FREM3: variants seen among roughly 807,000 people sequenced by gnomAD.
The protein encoded by FREM3 is FRAS1 related extracellular matrix 3.
Under a neutral mutation model 129.1 loss-of-function variants are expected in FREM3, and 105 were observed. The observed-to-expected ratio is 0.81, with a 90% confidence interval of 0.69 to 0.96. FREM3 has a LOEUF of 0.96. Ranked by LOEUF, FREM3 falls within the 40% of genes least tolerant of loss-of-function variation. The pLI, the probability that FREM3 is intolerant of heterozygous loss-of-function variation, is 0.00. For synonymous variants in FREM3, 1,014 were observed against 1,044.9 expected (o/e 0.97, Z 0.57); for missense variants, 2,593 against 2,666.3 (o/e 0.97, Z 0.61).
intron 7 of FREM3, among the ~76,000 whole-genome samples, chr4:143,581,492 CCTGCCCCTGGCTGAGCATTCCCA>C (rs1738142072): frequency 6.6e-6 from 1 of 152,086 alleles, no homozygotes; most frequent in South Asian, 2.1e-4. Context: ...AAGCAGTTGC[CCTGCCCCTGGCTGAGCATTCCCA>C]CTGGTAGTGG....
intron 2 of FREM3, among the ~76,000 whole-genome samples, chr4:143,664,884 C>G (rs999042028): frequency 3.9e-5 from 6 of 152,160 alleles, no homozygotes; most frequent in Non-Finnish European, 8.8e-5. Flanking sequence ...GCGTAGGACC[C>G]TCCAAGTCAG....
rs756690432 is a variant in FREM3, at chr4:143,700,426, C to T, written c.250G>A (p.Asp84Asn). Residue 84 changes from aspartate (D) to asparagine (N), a missense_variant, in exon 1 of 8, where the codon GAT becomes AAT. Transcript: ENST00000329798. ...CCCGGCTGCACTCCAATCACCAGAT[C>T]CCGGAGCGGGTCGAGCCAAAGGGAA... Reference protein sequence around the residue: ...GRSLWLDPLRDLVIGVQPGDR... With the variant: ...GRSLWLDPLRNLVIGVQPGDR... 7.2e-5 allele frequency: 110 copies of T among 1,531,060 alleles called. 1 individual carries two copies. Among genetic ancestry groups the T allele is most frequent in the Non-Finnish European group, 9.3e-5 (106 of 1,143,756 alleles). The allele number at this position is 1,531,060 out of a possible 1,614,324, so 94.8% of individuals were successfully genotyped here.
chr4:143,584,357 C>T (rs1017516157), intron 7 of FREM3, among the ~76,000 whole-genome samples: 2 of 146,674 alleles, frequency 1.4e-5, no homozygotes, highest in African/African-American at 2.5e-5. Context: ...TGCAGTAAGC[C>T]GAGATTGCGC....
rs1037434218 is a variant in FREM3 at position 143,696,595 on chromosome 4, G to A, written c.4081C>T (p.Pro1361Ser). The change falls in exon 1 of 8, where the codon CCC becomes TCC. Residue 1361 changes from proline to serine, a missense_variant. Pro to Ser is a moderately conservative substitution (Grantham distance 74). Transcript: ENST00000329798. The stretch of plus-strand genomic sequence containing the variant: ...AGATTGTTCCTCACTTCTCCTCTGG[G>A]TTTTCTCAGCCTCTGTAGAAGCCCT... Reference protein sequence around the residue: ...QQGLLQRLRKPRGEVRNNLTL... With the variant: ...QQGLLQRLRKSRGEVRNNLTL... 1.3e-6 allele frequency: 2 copies of A among 1,537,592 alleles called. No individual in the cohort carries two copies. Among genetic ancestry groups the A allele is most frequent in the African/African-American group, 1.4e-5 (1 of 73,136 alleles).
At chr4:143,614,748 G>A (rs1738815911) in intron 5 of FREM3, among the ~76,000 whole-genome samples, 1 of 152,188 alleles carries the variant, frequency 6.6e-6, no homozygotes, top group South Asian at 2.1e-4. Flanking sequence ...CTCCAAACAA[G>A]GCACGCGAAA....
At chr4:143,654,609 A>G (rs1354949136) in intron 2 of FREM3, among the ~76,000 whole-genome samples, 1 of 152,238 alleles carries the variant, frequency 6.6e-6, no homozygotes, top group Admixed American at 6.5e-5. Context: ...CTAAACTAGG[A>G]TGAATCCAAT....
At chr4:143,628,596 C>T (rs1313367189) in intron 2 of FREM3, among the ~76,000 whole-genome samples, 1 of 152,130 alleles carries the variant, frequency 6.6e-6, no homozygotes, top group Non-Finnish European at 1.5e-5. Context: ...GCTTTACTAA[C>T]CAGTTCCACA....
chr4:143,583,785 G>A (rs1738189027), intron 7 of FREM3, among the ~76,000 whole-genome samples: 1 of 152,108 alleles, frequency 6.6e-6, no homozygotes, highest in Non-Finnish European at 1.5e-5. Flanking sequence ...CACCAGACCT[G>A]CCTTACAAGA....
At chr4:143,593,548 C>T (rs570499633) in intron 6 of FREM3, among the ~76,000 whole-genome samples, 40 of 150,848 alleles carry the variant, frequency 2.7e-4, no homozygotes, top group African/African-American at 9.0e-4. Context: ...TGAAGAACAG[C>T]GGATATTGGT....
intron 2 of FREM3, among the ~76,000 whole-genome samples, chr4:143,681,368 A>G (rs1219358010): frequency 1.3e-5 from 2 of 152,226 alleles, no homozygotes; most frequent in African/African-American, 4.8e-5. Flanking sequence ...TGTTATATAT[A>G]GTAGAGATGT....
At chr4:143,622,708 T>C (rs1738973310) in intron 4 of FREM3, among the ~76,000 whole-genome samples, 1 of 152,198 alleles carries the variant, frequency 6.6e-6, no homozygotes, top group African/African-American at 2.4e-5. Flanking sequence ...ATCAATGTCA[T>C]ATGAAAAAAT....
intron 2 of FREM3, among the ~76,000 whole-genome samples, chr4:143,628,462 G>A (rs1328682556): frequency 2.0e-5 from 3 of 152,094 alleles, no homozygotes; most frequent in Non-Finnish European, 4.4e-5. Flanking sequence ...GGGAGTGGTT[G>A]CTACAAATAA....
At chr4:143,583,409 T>A (rs11938715) in intron 7 of FREM3, among the ~76,000 whole-genome samples, 54,500 of 151,966 alleles carry the variant, frequency 0.36, 10,016 homozygotes, top group Non-Finnish European at 0.38. Flanking sequence ...CATGCATATT[T>A]CCCCAACTTC....
chr4:143,610,012 C>G (rs1738728083), intron 6 of FREM3, among the ~76,000 whole-genome samples: 1 of 151,970 alleles, frequency 6.6e-6, no homozygotes, highest in Non-Finnish European at 1.5e-5. Flanking sequence ...AAAATTTACT[C>G]AAATTATTTT....
rs1740554188 is a variant in FREM3 at position 143,695,756 on chromosome 4, C to T, written c.4920G>A (p.Leu1640=). 1.3e-6 allele frequency: 2 copies of T among 1,537,106 alleles called. No individual in the cohort carries two copies. The highest frequency in any genetic ancestry group is 4.9e-5 in the East Asian group (2 of 40,930). Residue 1640 remains leucine (L), a synonymous_variant, in exon 1 of 8, where the codon CTG becomes CTA. Transcript: ENST00000329798. ...TDFYVLPDTA[L]ATHKPQVMRV... ...TCATTACTTGAGGTTTGTGTGTCGC[C>T]AGGGCAGTGTCTGGTAGGACATAGA...
rs1028715683 is a variant in FREM3, at chr4:143,698,164, C to G, written c.2512G>C (p.Ala838Pro). 6.5e-7 allele frequency: 1 copy of G among 1,537,360 alleles called. No individual in the cohort carries two copies. The highest frequency in any genetic ancestry group is 1.4e-5 in the African/African-American group (1 of 73,048). The change falls in exon 1 of 8, where the codon GCT becomes CCT. Residue 838 changes from alanine to proline, a missense_variant. By Grantham distance (27) the Ala-to-Pro change is conservative. This residue lies in a region of FREM3 where 2,276 missense variants were observed against 2,267.2 expected (regional missense o/e 1.00). Transcript: ENST00000329798. ...QPPEVTNRGFAILEGGSFNLS... is the reference protein window; with the variant it reads ...QPPEVTNRGFPILEGGSFNLS... ...TTAAAGCTGCCTCCCTCTAAGATAG[C>G]AAAGCCTCTGTTGGTGACTTCTGGG...
Position 143,700,474 on chromosome 4 carries a change from C to G in FREM3, c.202G>C (p.Gly68Arg), listed in dbSNP as rs1578878222. The G allele has an allele frequency of 2.6e-6, 4 of 1,510,644 alleles. No homozygotes were observed. The highest frequency in any genetic ancestry group is 3.5e-6 in the Non-Finnish European group (4 of 1,132,070). The allele number at this position is 1,510,644 out of a possible 1,614,324, so 93.6% of individuals were successfully genotyped here. ...DGPSVLIANP[G>R]LRVPLGRSLW... The stretch of plus-strand genomic sequence containing the variant: ...GAACGACCCAGGGGCACCCGGAGTC[C>G]AGGGTTGGCAATCAGCACGCTGGGG... The change falls in exon 1 of 8, where the codon GGA (glycine) becomes CGA (arginine). Residue 68 changes from glycine to arginine, a missense_variant. Around this residue, in one of 2 missense-constraint regions of FREM3, gnomAD observed 2,276 missense variants for 2,267.2 expected, o/e 1.00. Transcript: ENST00000329798.
At chr4:143,678,303 A>G (rs1324515539) in intron 2 of FREM3, among the ~76,000 whole-genome samples, 2 of 152,074 alleles carry the variant, frequency 1.3e-5, no homozygotes, top group Admixed American at 1.3e-4. Context: ...AAAAAACCAA[A>G]CACCGCATGT....
rs1283286533 is a variant in FREM3 at position 143,695,973 on chromosome 4, G to A, written c.4703C>T (p.Pro1568Leu). The A allele has an allele frequency of 6.5e-7, 1 of 1,537,596 alleles. No individual in the cohort carries two copies. The highest frequency in any genetic ancestry group is 8.7e-7 in the Non-Finnish European group (1 of 1,146,796). The change falls in exon 1 of 8, where the codon CCA becomes CTA. Residue 1568 changes from proline (P) to leucine (L), a missense_variant. This residue lies in a region of FREM3 where 2,276 missense variants were observed against 2,267.2 expected (regional missense o/e 1.00). Transcript: ENST00000329798. ...LELTVEDSDT[P>L]DDLILFTITQ... ...GATGGTAAAGAGAATAAGGTCATCT[G>A]GGGTATCACTGTCTTCCACTGTCAA...
Sources: gnomAD v4.1 joint callset for allele counts (sites outside exome capture counted in the v4.1 genomes callset) on GRCh38, gnomAD v4.1.1 for gene constraint, gnomAD v4.1.1 regional missense constraint, MANE v1.5 for transcripts, NCBI Gene and HGNC (gene_info 2026-07-23, HGNC 2026-07-21) for gene names.